Variants in ARHGEF10 observed in about 807,000 individuals in gnomAD.
ARHGEF10 encodes the protein Rho guanine nucleotide exchange factor (GEF) 10.
ARHGEF10 carries 140 observed loss-of-function variants against 147.4 expected under a neutral mutation model. The observed-to-expected ratio is 0.95, with a 90% CI of 0.83 to 1.09. ARHGEF10 has a LOEUF of 1.09. Ranked by LOEUF, ARHGEF10 falls within the 50% of genes least tolerant of loss-of-function variation. The pLI is 0.00. For synonymous variants in ARHGEF10, 902 were observed against 695.8 expected (o/e 1.30, Z -4.67); for missense variants, 2,222 against 1,752.7 (o/e 1.27, Z -4.78).
At chr8:1,845,757 C>G (rs554472076) in intron 2 of ARHGEF10, among the ~76,000 whole-genome samples, 1 of 152,218 alleles carries the variant, frequency 6.6e-6, no homozygotes, top group South Asian at 2.1e-4. Flanking sequence ...GCCCATCCAC[C>G]CATGGTCTCC....
chr8:1,827,093 G>C lies in ARHGEF10; in HGVS notation c.-48+2980G>C, dbSNP rs114005334. On this transcript the variant is annotated intron_variant, in intron 1 of 28. Coordinates refer to ENST00000349830, the MANE Select transcript of ARHGEF10 (RefSeq NM_014629.4). Reference sequence around the variant, plus strand: ...GGTGGCAGACAGGGCCACAGCCCCAGGTCCGTCTAGGGAGGGGCAGGGTTA... The same window carrying C: ...GGTGGCAGACAGGGCCACAGCCCCACGTCCGTCTAGGGAGGGGCAGGGTTA... Among the ~76,000 whole-genome samples, 942 of 152,282 alleles carry C rather than the reference G, an allele frequency of 6.2e-3. 12 individuals are homozygous for C. Among genetic ancestry groups the C allele is most frequent in the African/African-American group, 0.022 (911 of 41,540 alleles).
chr8:1,944,986 G>A (rs1814448894), intron 26 of ARHGEF10, among the ~76,000 whole-genome samples: 1 of 152,250 alleles, frequency 6.6e-6, no homozygotes. Context: ...GCTGAGCCTG[G>A]AAGCTCCAGA....
rs914936905 is a variant in ARHGEF10 at position 1,862,253 on chromosome 8, G to T, written c.481+2069G>T. The stretch of plus-strand genomic sequence containing the variant: ...GGCGGGGCGGCCGCCTGGCTCTGCA[G>T]GGCTTCCCCGGGACGTACAGCCCAG... On this transcript the variant is annotated intron_variant, in intron 4 of 28. Transcript: ENST00000349830. Among the ~76,000 whole-genome samples the T allele has an allele frequency of 3.3e-5, 5 of 152,260 alleles. No homozygotes were observed. The East Asian group carries it at 7.7e-4, about 23-fold the overall frequency.
In ARHGEF10 at chr8:1,905,735, T is replaced by C. The variant is rs753535267; in HGVS notation, c.1967+19T>C. 2 of 1,612,170 alleles carry C rather than the reference T, an allele frequency of 1.2e-6. No homozygotes were observed. The highest frequency in any genetic ancestry group is 1.7e-6 in the Non-Finnish European group (2 of 1,179,934). ...GCTCACGGTAAGTGCATAAATTCTCTATAGTAGTCCTACCATCATCACATG... is the reference window on the plus strand; with the variant it reads ...GCTCACGGTAAGTGCATAAATTCTCCATAGTAGTCCTACCATCATCACATG... On this transcript the variant is annotated intron_variant, in intron 17 of 28. Coordinates refer to ENST00000349830, the MANE Select transcript of ARHGEF10 (RefSeq NM_014629.4).
rs945413391 is a variant in ARHGEF10 at position 1,837,795 on chromosome 8, C to T, written c.-47-5558C>T. Among the ~76,000 whole-genome samples, 17 of 152,152 alleles carry T rather than the reference C, an allele frequency of 1.1e-4. No homozygotes were observed. In the East Asian group the frequency reaches 1.5e-3, roughly 14 times the overall value. Reference sequence around the variant, plus strand: ...AGGCTGCCTGGCTCCTCGGCTGCGTCGTATTACTAATGTTGGGCAGGTGAA... The same window carrying T: ...AGGCTGCCTGGCTCCTCGGCTGCGTTGTATTACTAATGTTGGGCAGGTGAA... On this transcript the variant is annotated intron_variant, in intron 1 of 28. Transcript: ENST00000349830.
chr8:1,842,518 C>A (rs1437310467), intron 1 of ARHGEF10, among the ~76,000 whole-genome samples: 3 of 152,206 alleles, frequency 2.0e-5, no homozygotes, highest in Admixed American at 6.5e-5. Flanking sequence ...CTGTGGGTGA[C>A]ACTCAGGGAC....
chr8:1,864,863 G>C (rs1806452079), intron 5 of ARHGEF10, among the ~76,000 whole-genome samples: 1 of 152,232 alleles, frequency 6.6e-6, no homozygotes, highest in Non-Finnish European at 1.5e-5. Context: ...GTGCCACCAG[G>C]TAGGTCCAGC....
intron 18 of ARHGEF10, among the ~76,000 whole-genome samples, chr8:1,920,112 G>GTGGGTGATGGAGCTGTTCCA (rs1812161225): frequency 6.7e-6 from 1 of 148,670 alleles, no homozygotes; most frequent in East Asian, 2.0e-4. Context: ...GAGCTGTTCT[G>GTGGGTGATGGAGCTGTTCCA]TGGGTGATGG....
intron 2 of ARHGEF10, among the ~76,000 whole-genome samples, chr8:1,847,891 A>G (rs1238864304): frequency 6.6e-6 from 1 of 152,218 alleles, no homozygotes; most frequent in Non-Finnish European, 1.5e-5. Flanking sequence ...TTTATCTCTG[A>G]TCTTAAAAAA....
intron 1 of ARHGEF10, among the ~76,000 whole-genome samples, chr8:1,826,464 TAGAG>T (rs1320433394): frequency 6.6e-6 from 1 of 151,892 alleles, no homozygotes; most frequent in Non-Finnish European, 1.5e-5. Context: ...GAGTTGTAGA[TAGAG>T]GCGTTGGGTG....
In ARHGEF10 at chr8:1,885,604, A is replaced by C; in HGVS notation, c.1079A>C (p.His360Pro). Residue 360 changes from histidine (H) to proline (P), a missense_variant, in exon 11 of 29, where the codon CAC becomes CCC. By Grantham distance (77) the His-to-Pro change is moderately conservative (BLOSUM62 -2). Transcript: ENST00000349830. ...GCATTTTGACTTTTTTTTTAAGATC[A>C]CAGATCTTCTCTTGAGGAAGAACAG... ...IRTKSLIAQD[H>P]RSSLEEEQNL... 1.2e-6 allele frequency: 2 copies of C among 1,610,162 alleles called. No individual in the cohort carries two copies. Among genetic ancestry groups the C allele is most frequent in the Non-Finnish European group, 8.5e-7 (1 of 1,176,766 alleles).
intron 1 of ARHGEF10, among the ~76,000 whole-genome samples, chr8:1,825,454 C>G (rs527353580): frequency 7.4e-6 from 1 of 135,186 alleles, no homozygotes; most frequent in African/African-American, 2.9e-5. Flanking sequence ...CTACACCTCA[C>G]CTGTTTACCC....
chr8:1,934,452 C>G lies in ARHGEF10; in HGVS notation c.3222+510C>G, dbSNP rs1477922949. On this transcript the variant is annotated intron_variant, in intron 26 of 28. Transcript: ENST00000349830. ...GAAAATTCAACTAACCATTTTTTAACCATTTACCTGTGTTCACTGGTTATC... is the reference window on the plus strand; with the variant it reads ...GAAAATTCAACTAACCATTTTTTAAGCATTTACCTGTGTTCACTGGTTATC... 2.6e-5 allele frequency among the ~76,000 whole-genome samples: 4 copies of G among 151,620 alleles called. No homozygotes were observed. The South Asian group carries it at 8.3e-4, about 32-fold the overall frequency.
rs755728908 is a variant in ARHGEF10, at chr8:1,860,109, C to A, written c.406C>A (p.Pro136Thr). 9 of 1,613,954 alleles carry A rather than the reference C, an allele frequency of 5.6e-6. No individual in the cohort carries two copies. In the Admixed American group the frequency reaches 1.0e-4, roughly 18 times the overall value. Residue 136 changes from proline to threonine, a missense_variant, in exon 4 of 29, where the codon CCC becomes ACC. By Grantham distance (38) the Pro-to-Thr change is conservative (BLOSUM62 -1). Transcript: ENST00000349830. ...GCCTGTACCCTGCGGCTATGCGGTG[C>A]CCTCCAACCTGCCCCTCCTGCTGCC... is the stretch of plus-strand genomic sequence containing the variant. Reference protein sequence around the residue: ...LVPVPCGYAVPSNLPLLLPAY... With the variant: ...LVPVPCGYAVTSNLPLLLPAY...
intron 7 of ARHGEF10, among the ~76,000 whole-genome samples, chr8:1,872,240 C>T (rs1807186237): frequency 6.6e-6 from 1 of 152,116 alleles, no homozygotes; most frequent in African/African-American, 2.4e-5. Context: ...CATGAATAAA[C>T]CTATAATGAT....
At chr8:1,836,605 T>G (rs1268283012) in intron 1 of ARHGEF10, among the ~76,000 whole-genome samples, 2 of 151,546 alleles carry the variant, frequency 1.3e-5, no homozygotes, top group Non-Finnish European at 2.9e-5. Context: ...CAGGTCGGAG[T>G]TGGGGGAGCA....
intron 25 of ARHGEF10, among the ~76,000 whole-genome samples, chr8:1,930,130 C>G (rs1029998277): frequency 2.0e-5 from 3 of 152,000 alleles, no homozygotes; most frequent in Non-Finnish European, 2.9e-5. Context: ...CTCCTGGCCC[C>G]TCACTCAGCT....
chr8:1,922,910 G>A (rs578174141), intron 18 of ARHGEF10, 54 bp from the exon 19 acceptor site: 34 of 1,308,044 alleles, frequency 2.6e-5, no homozygotes, highest in African/African-American at 1.0e-4. Context: ...AAGTATTGGA[G>A]TAAATATGGC....
At chr8:1,847,093 C>G (rs1804621120) in intron 2 of ARHGEF10, among the ~76,000 whole-genome samples, 1 of 152,142 alleles carries the variant, frequency 6.6e-6, no homozygotes, top group Non-Finnish European at 1.5e-5. Context: ...CTAGAAATGT[C>G]TTTGGCAACA....
Sources: allele counts gnomAD v4.1 joint callset (sites outside exome capture counted in the v4.1 genomes callset), GRCh38; gene constraint gnomAD v4.1.1; transcripts MANE v1.5; gene names NCBI Gene and HGNC (gene_info 2026-07-23, HGNC 2026-07-21).